The following DOCK5 variants were observed in gnomAD, a reference collection of about 807,000 sequenced individuals.
The protein encoded by DOCK5 is dedicator of cytokinesis protein 5.
DOCK5 carries 142 observed loss-of-function variants against 251.8 expected under a neutral mutation model. The observed-to-expected ratio is 0.56, with a 90% CI of 0.49 to 0.65. The LOEUF (loss-of-function observed/expected upper bound fraction) is 0.65, where lower values mean the gene tolerates loss of function less well. Ranked by LOEUF, DOCK5 falls within the 30% of genes least tolerant of loss-of-function variation. DOCK5 has a pLI of 0.00. For missense variants in DOCK5, 2,111 were observed against 2,312.3 expected (o/e 0.91, Z 1.79); for synonymous variants, 842 against 835.5 (o/e 1.01, Z -0.13).
chr8:25,389,840 C>A (rs4626608), intron 41 of DOCK5, among the ~76,000 whole-genome samples: 1 of 152,142 alleles, frequency 6.6e-6, no homozygotes, highest in Non-Finnish European at 1.5e-5. Flanking sequence ...AAAAGTAATT[C>A]TTGTTGCCTG....
chr8:25,254,143 A>G (rs1803349422), intron 2 of DOCK5, among the ~76,000 whole-genome samples: 1 of 152,228 alleles, frequency 6.6e-6, no homozygotes, highest in African/African-American at 2.4e-5. Flanking sequence ...GAGAAAAGAT[A>G]TTCTTTTTAA....
At chr8:25,210,020 A>G (rs1271833050) in intron 1 of DOCK5, among the ~76,000 whole-genome samples, 1 of 31,120 alleles carries the variant, frequency 3.2e-5, no homozygotes, top group African/African-American at 7.3e-5. Flanking sequence ...ATATATATAT[A>G]TATATATATA....
intron 40 of DOCK5, among the ~76,000 whole-genome samples, chr8:25,387,019 A>G (rs536283972): frequency 1.3e-5 from 2 of 152,280 alleles, no homozygotes; most frequent in South Asian, 2.1e-4. Context: ...AGAATATAAA[A>G]TCCTCAGGAG....
chr8:25,333,884 A>G (rs1384856763), intron 20 of DOCK5, among the ~76,000 whole-genome samples: 2 of 152,150 alleles, frequency 1.3e-5, no homozygotes, highest in Non-Finnish European at 1.5e-5. Context: ...TCTTCACAGC[A>G]TTTAACATAG....
intron 3 of DOCK5, chr8:25,271,355 G>A (rs1013442821): frequency 2.0e-5 from 3 of 152,234 alleles, no homozygotes; most frequent in Non-Finnish European, 2.9e-5. Context: ...GTTTTAAGCC[G>A]AAATATCCTT....
At chr8:25,188,528 G>A (rs985782107) in intron 1 of DOCK5, among the ~76,000 whole-genome samples, 7 of 152,166 alleles carry the variant, frequency 4.6e-5, no homozygotes, top group Non-Finnish European at 7.3e-5. Context: ...GCTGGCAGTC[G>A]CTACTGTCAT....
At chr8:25,217,081 A>G (rs1380297832) in intron 1 of DOCK5, among the ~76,000 whole-genome samples, 2 of 148,294 alleles carry the variant, frequency 1.3e-5, no homozygotes. Flanking sequence ...ATATGTATAT[A>G]TAATATGTGT....
intron 2 of DOCK5, among the ~76,000 whole-genome samples, chr8:25,254,805 AC>A (rs1803376325): frequency 2.8e-5 from 4 of 144,274 alleles, no homozygotes; most frequent in African/African-American, 7.9e-5. Flanking sequence ...AAAAAAAAAA[AC>A]ATTTGATAAA....
chr8:25,396,396 T>C (rs1341705688), intron 45 of DOCK5, among the ~76,000 whole-genome samples: 1 of 152,096 alleles, frequency 6.6e-6, no homozygotes, highest in Non-Finnish European at 1.5e-5. Context: ...CCTGACTTGG[T>C]GTGCCAGAGG....
chr8:25,243,636 A>G, intron 1 of DOCK5, 38 bp from the exon 2 acceptor site: 1 of 1,590,252 alleles, frequency 6.3e-7, no homozygotes, highest in Middle Eastern at 1.7e-4. Flanking sequence ...GCCAAGTGAC[A>G]TGCATTCTAA....
In DOCK5 at chr8:25,319,575, A is replaced by G; in HGVS notation, c.1444-3A>G. 1.3e-6 allele frequency: 2 copies of G among 1,570,124 alleles called. No individual in the cohort carries two copies. Among genetic ancestry groups the G allele is most frequent in the South Asian group, 2.3e-5 (2 of 85,188 alleles). ...CCTTCTAATTTTTTCCTTCCATCTG[A>G]AGAAAGCAATTCACCCTGGTGCTGG... is the stretch of plus-strand genomic sequence containing the variant. On this transcript the variant is annotated splice_polypyrimidine_tract_variant and splice_region_variant and intron_variant, in intron 14 of 51. Transcript: ENST00000276440.
intron 18 of DOCK5, among the ~76,000 whole-genome samples, chr8:25,327,949 CGTGT>C (rs111334515): frequency 0.023 from 3,474 of 151,200 alleles, 53 homozygotes; most frequent in South Asian, 0.075. Context: ...ACCCTTCTAC[CGTGT>C]GTGTGTGTGT....
chr8:25,202,221 TTGG>T (rs1197963449), intron 1 of DOCK5, among the ~76,000 whole-genome samples: 1 of 152,186 alleles, frequency 6.6e-6, no homozygotes, highest in Non-Finnish European at 1.5e-5. Context: ...TTTTGCCATG[TTGG>T]CCAGGCTGGT....
chr8:25,247,485 T>C (rs1383193393), intron 2 of DOCK5, among the ~76,000 whole-genome samples: 1 of 151,880 alleles, frequency 6.6e-6, no homozygotes, highest in East Asian at 1.9e-4. Context: ...TAGTCTCAGC[T>C]ACTTGGGAGG....
intron 27 of DOCK5, among the ~76,000 whole-genome samples, chr8:25,354,532 C>T (rs1050719933): frequency 5.9e-5 from 9 of 152,246 alleles, no homozygotes; most frequent in Admixed American, 1.3e-4. Context: ...GTACTCCCGC[C>T]GTGCTTCCGC....
At chr8:25,383,101 C>T (rs942793630) in intron 40 of DOCK5, among the ~76,000 whole-genome samples, 2 of 152,188 alleles carry the variant, frequency 1.3e-5, no homozygotes, top group African/African-American at 4.8e-5. Context: ...TACCATGTTT[C>T]TAGCCAGAGC....
At chr8:25,251,409 A>T (rs978068274) in intron 2 of DOCK5, among the ~76,000 whole-genome samples, 3 of 152,212 alleles carry the variant, frequency 2.0e-5, no homozygotes, top group African/African-American at 4.8e-5. Flanking sequence ...AAAAGAAACA[A>T]AAAGAAGGGT....
At chr8:25,300,390 A>G (rs1196548084) in intron 8 of DOCK5, among the ~76,000 whole-genome samples, 186 bp from the exon 9 acceptor site, 1 of 152,146 alleles carries the variant, frequency 6.6e-6, no homozygotes, top group Non-Finnish European at 1.5e-5. Context: ...CTCTAATGCC[A>G]GGACACCCAG....
At chr8:25,345,318 C>T (rs1016577603) in intron 25 of DOCK5, 157 bp from the exon 26 acceptor site, 1 of 842,714 alleles carries the variant, frequency 1.2e-6, no homozygotes, top group Non-Finnish European at 1.8e-6. Flanking sequence ...TGCCTAAAAC[C>T]AGGTGTTCCT....
Sources: gnomAD v4.1 joint callset for allele counts (sites outside exome capture counted in the v4.1 genomes callset) on GRCh38, gnomAD v4.1.1 for gene constraint, MANE v1.5 for transcripts, NCBI Gene and HGNC (gene_info 2026-07-23, HGNC 2026-07-21) for gene names.